PTPRD: variants seen among roughly 807,000 people sequenced by gnomAD.
PTPRD encodes protein tyrosine phosphatase receptor type D.
PTPRD carries 34 observed loss-of-function variants against 214.5 expected under a neutral mutation model. The ratio of observed to expected loss-of-function variants is 0.16; its 90% CI spans 0.12 to 0.21. The LOEUF is 0.21. PTPRD is among the 10% of genes least tolerant of loss of function. PTPRD has a pLI of 1.00. For missense variants in PTPRD, 2,545 were observed against 2,398.7 expected (o/e 1.06, Z -1.27); for synonymous variants, 1,128 against 845.7 (o/e 1.33, Z -5.79).
At chr9:10,245,924 T>C (rs59801699) in intron 3 of PTPRD, among the ~76,000 whole-genome samples, 1 of 152,260 alleles carries the variant, frequency 6.6e-6, no homozygotes, top group East Asian at 1.9e-4. Flanking sequence ...TTTTGACACA[T>C]ACTATAAGCC....
intron 8 of PTPRD, among the ~76,000 whole-genome samples, chr9:9,419,764 T>A (rs1266330568): frequency 1.3e-5 from 2 of 151,780 alleles, no homozygotes; most frequent in Admixed American, 1.3e-4. Context: ...CAGCAAGAAA[T>A]TCATTATAAA....
At chr9:9,524,117 C>T (rs1209518464) in intron 8 of PTPRD, among the ~76,000 whole-genome samples, 6 of 152,012 alleles carry the variant, frequency 3.9e-5, no homozygotes, top group Admixed American at 1.3e-4. Context: ...GAGGAAAGAC[C>T]CAGCTTGAAA....
At chr9:10,434,359 C>G (rs1271873066) in intron 2 of PTPRD, among the ~76,000 whole-genome samples, 1 of 151,772 alleles carries the variant, frequency 6.6e-6, no homozygotes, top group African/African-American at 2.4e-5. Context: ...TACAAAAATT[C>G]AATGTTTCAG....
chr9:8,840,813 A>T (rs2097543720), intron 11 of PTPRD, among the ~76,000 whole-genome samples: 1 of 152,152 alleles, frequency 6.6e-6, no homozygotes, highest in African/African-American at 2.4e-5. Context: ...TTTCAGTGGG[A>T]CTTAGCAAGG....
At chr9:8,745,984 G>C (rs1235810707) in intron 11 of PTPRD, among the ~76,000 whole-genome samples, 1 of 152,116 alleles carries the variant, frequency 6.6e-6, no homozygotes, top group Non-Finnish European at 1.5e-5. Context: ...ATTGGGAAGG[G>C]GTCTTGCTAT....
At chr9:10,463,941 T>A (rs1246572901) in intron 2 of PTPRD, among the ~76,000 whole-genome samples, 1 of 152,134 alleles carries the variant, frequency 6.6e-6, no homozygotes, top group Non-Finnish European at 1.5e-5. Context: ...TATAAATAAA[T>A]AAGAGAACTT....
chr9:8,482,241 C>A lies in PTPRD; in HGVS notation c.3413+1878G>T, dbSNP rs367595849. ...TGTCATCCAAGCTCAGAACTCAGAGCCATATTTTACTCTCTTGATCTCATC... is the reference window on the plus strand; with the variant it reads ...TGTCATCCAAGCTCAGAACTCAGAGACATATTTTACTCTCTTGATCTCATC... On this transcript the variant is annotated intron_variant, in intron 30 of 45. Transcript: ENST00000381196. Among the ~76,000 whole-genome samples, 39 of 151,948 alleles carry A rather than the reference C, an allele frequency of 2.6e-4. 1 individual carries two copies. In the South Asian group the frequency reaches 7.9e-3, roughly 31 times the overall value.
intron 38 of PTPRD, 82 bp downstream of exon 38, chr9:8,376,525 C>CT: frequency 1.9e-6 from 3 of 1,581,622 alleles, no homozygotes; most frequent in Non-Finnish European, 2.6e-6. Flanking sequence ...TAAGTAAAGC[C>CT]TTAAGAGATT....
chr9:9,451,483 A>T (rs1307056556), intron 8 of PTPRD, among the ~76,000 whole-genome samples: 2 of 151,882 alleles, frequency 1.3e-5, no homozygotes, highest in East Asian at 3.9e-4. Context: ...ATCAATGGCG[A>T]ATTTTCACTG....
At chr9:9,315,348 T>A (rs754805232) in intron 9 of PTPRD, among the ~76,000 whole-genome samples, 1 of 152,032 alleles carries the variant, frequency 6.6e-6, no homozygotes, top group Non-Finnish European at 1.5e-5. Context: ...TGTGTATGTA[T>A]ATACAACTTA....
Position 8,748,542 on chromosome 9 carries a change from A to AAAG in PTPRD, c.-103-14597_-103-14596insCTT, listed in dbSNP as rs1394587562. 4.8e-5 allele frequency among the ~76,000 whole-genome samples: 5 copies of AAAG among 104,692 alleles called. No homozygotes were observed. In the East Asian group the frequency reaches 1.3e-3, roughly 27 times the overall value. 68.7% of individuals were successfully genotyped at this position (104,692 alleles called of 152,430 possible). ...AACTGCAAAAAAAAAAAAAAAAAAG[A>AAAG]AAAAGAAAAAGAAAAAGAAAATGCG... On this transcript the variant is annotated intron_variant, in intron 11 of 45. Transcript: ENST00000381196.
At chr9:9,735,379 T>C (rs1217908398) in intron 6 of PTPRD, among the ~76,000 whole-genome samples, 3 of 152,122 alleles carry the variant, frequency 2.0e-5, no homozygotes, top group Non-Finnish European at 4.4e-5. Context: ...TTTCCTTTTG[T>C]CTTGGGAATC....
intron 17 of PTPRD, 23 bp from the exon 18 acceptor site, chr9:8,525,058 G>C (rs2139202710): frequency 6.3e-7 from 1 of 1,577,222 alleles, no homozygotes; most frequent in Non-Finnish European, 8.7e-7. Context: ...AAAATATATT[G>C]CCAAAGAGAT....
At chr9:10,602,593 G>C (rs1157289003) in intron 2 of PTPRD, among the ~76,000 whole-genome samples, 1 of 151,764 alleles carries the variant, frequency 6.6e-6, no homozygotes, top group Non-Finnish European at 1.5e-5. Context: ...GTAATTTACG[G>C]TTATAATCAA....
intron 5 of PTPRD, among the ~76,000 whole-genome samples, chr9:9,884,667 T>C (rs976311277): frequency 3.3e-5 from 5 of 152,126 alleles, no homozygotes; most frequent in African/African-American, 9.7e-5. Flanking sequence ...ATAATCCTCA[T>C]GTGTCATGGG....
At chr9:8,430,856 C>A (rs1347107921) in intron 35 of PTPRD, among the ~76,000 whole-genome samples, 2 of 152,146 alleles carry the variant, frequency 1.3e-5, no homozygotes, top group African/African-American at 2.4e-5. Flanking sequence ...ATCATTATGA[C>A]CTTTACTGAA....
intron 9 of PTPRD, among the ~76,000 whole-genome samples, chr9:9,326,014 G>C (rs1243218476): frequency 6.6e-6 from 1 of 151,946 alleles, no homozygotes; most frequent in African/African-American, 2.4e-5. Flanking sequence ...TGTGTATGTT[G>C]AACCAGCCTT....
intron 9 of PTPRD, among the ~76,000 whole-genome samples, chr9:9,393,406 A>G (rs752472305): frequency 1.3e-4 from 20 of 152,166 alleles, no homozygotes; most frequent in Non-Finnish European, 2.8e-4. Context: ...AGTCTGCTAT[A>G]TGGAAAGGAT....
chr9:9,000,649 C>T (rs913520998), intron 11 of PTPRD, among the ~76,000 whole-genome samples: 1 of 151,984 alleles, frequency 6.6e-6, no homozygotes, highest in African/African-American at 2.4e-5. Context: ...TAAAAACAAA[C>T]ATTTCAGCAT....
Sources: gnomAD v4.1 joint callset for allele counts (sites outside exome capture counted in the v4.1 genomes callset) on GRCh38, gnomAD v4.1.1 for gene constraint, MANE v1.5 for transcripts, NCBI Gene and HGNC (gene_info 2026-07-23, HGNC 2026-07-21) for gene names.